Variants in GAMT observed in about 807,000 individuals in gnomAD.
GAMT encodes the protein guanidinoacetate N-methyltransferase.
A neutral mutation model predicts 26.9 loss-of-function variants in GAMT; 26 were observed. That is an observed-to-expected ratio of 0.97 (90% CI 0.71 to 1.34). The LOEUF (loss-of-function observed/expected upper bound fraction) is 1.34, where lower values mean the gene tolerates loss of function less well. Among genes scored for constraint, GAMT ranks in the 40% most tolerant of loss-of-function variants. GAMT has a pLI of 0.00. For synonymous variants in GAMT, 169 were observed against 149.6 expected (o/e 1.13, Z -0.95); for missense variants, 412 against 345.0 (o/e 1.19, Z -1.54).
At chr19:1,397,851 C>A in intron 5 of GAMT, 1 of 1,154,006 alleles carries the variant, frequency 8.7e-7, no homozygotes, top group Non-Finnish European at 1.1e-6. Flanking sequence ...AGAAAAGCTG[C>A]CCCAGGGGCC....
chr19:1,401,331 T>C lies in GAMT; in HGVS notation c.146A>G (p.Tyr49Cys). 1 of 1,531,708 alleles carries C rather than the reference T, an allele frequency of 6.5e-7. No individual in the cohort carries two copies. Among genetic ancestry groups the C allele is most frequent in the Non-Finnish European group, 8.7e-7 (1 of 1,147,430 alleles). 94.9% of individuals were successfully genotyped at this position (1,531,708 alleles called of 1,614,324 possible). A position where few individuals can be genotyped will look rare whatever the true frequency, so the allele number is the denominator to read the frequency against. Residue 49 changes from tyrosine (Y) to cysteine (C), a missense_variant, in exon 1 of 6, where the codon TAT (tyrosine) becomes TGT (cysteine). Tyr to Cys is a radical substitution (Grantham distance 194). Coordinates refer to ENST00000252288, the MANE Select transcript of GAMT (RefSeq NM_000156.6). Reference sequence around the variant, plus strand: ...GGCGGCGGCGGCCAGCGCGTGCATATAGGGGGTCTCCCAGCGCTCCATCAC... The same window carrying C: ...GGCGGCGGCGGCCAGCGCGTGCATACAGGGGGTCTCCCAGCGCTCCATCAC... ...KPVMERWETP[Y>C]MHALAAAASS...
At position 1,397,957 on chromosome 19, in the gene GAMT, G is replaced by C. The variant is rs1477693526; in HGVS notation, c.571-458C>G. 4.7e-6 allele frequency: 5 copies of C among 1,062,346 alleles called. No homozygotes were observed. In the East Asian group the frequency reaches 3.1e-4, roughly 66 times the overall value. 65.8% of individuals were successfully genotyped at this position (1,062,346 alleles called of 1,614,324 possible). A position where few individuals can be genotyped will look rare whatever the true frequency, so the allele number is the denominator to read the frequency against. ...CTCCACCAGGCAGAGGGAACAGCGAGACAAGCACTGCTGAACCAGCAAAGA... is the reference window on the plus strand; with the variant it reads ...CTCCACCAGGCAGAGGGAACAGCGACACAAGCACTGCTGAACCAGCAAAGA... On this transcript the variant is annotated intron_variant, in intron 5 of 5. Coordinates refer to ENST00000252288, the MANE Select transcript of GAMT (RefSeq NM_000156.6).
Position 1,399,274 on chromosome 19 carries a change from G to A in GAMT, c.392-79C>T, listed in dbSNP as rs1309887764. 20 of 1,502,498 alleles carry A rather than the reference G, an allele frequency of 1.3e-5. No homozygotes were observed. The highest frequency in any genetic ancestry group is 9.0e-5 in the East Asian group (4 of 44,312). 93.1% of individuals were successfully genotyped at this position (1,502,498 alleles called of 1,614,324 possible). ...AGCCTCACCCGGCTCATCCCCCAGC[G>A]GGTGGAGGTGCAGTGAGACGGGGCC... On this transcript the variant is annotated intron_variant, in intron 3 of 5. Coordinates refer to ENST00000252288, the MANE Select transcript of GAMT (RefSeq NM_000156.6). The surrounding 1 kb of genome is among the most constrained non-coding windows in gnomAD (Gnocchi z 6.2).
chr19:1,398,412 T>C (rs1374940772), intron 5 of GAMT: 2 of 357,588 alleles, frequency 5.6e-6, no homozygotes, highest in Non-Finnish European at 1.0e-5. Context: ...TTCCATTTTT[T>C]TTTTAAATTT....
rs2082622563 is a variant in GAMT, at chr19:1,399,786, G to A, written c.327+7C>T. 2.6e-6 allele frequency: 4 copies of A among 1,557,950 alleles called. No individual in the cohort carries two copies. Among genetic ancestry groups the A allele is most frequent in the African/African-American group, 1.4e-5 (1 of 73,694 alleles). ...GGGTCCTGGAGGGCCTGCGGGCAGAGGGGCACCTTGTGTGTCTGCCGTGGG... is the reference window on the plus strand; with the variant it reads ...GGGTCCTGGAGGGCCTGCGGGCAGAAGGGCACCTTGTGTGTCTGCCGTGGG... On this transcript the variant is annotated splice_region_variant and intron_variant, in intron 2 of 5. Transcript: ENST00000252288. The surrounding 1 kb of genome is among the most constrained non-coding windows in gnomAD (Gnocchi z 6.2).
At chr19:1,397,960 A>G (rs970032288) in intron 5 of GAMT, 1 of 1,059,132 alleles carries the variant, frequency 9.4e-7, no homozygotes, top group South Asian at 3.1e-5. Flanking sequence ...ACAGCGAGAC[A>G]AGCACTGCTG....
intron 1 of GAMT, 129 bp from the exon 2 acceptor site, chr19:1,400,067 G>T: frequency 1.8e-6 from 2 of 1,125,026 alleles, no homozygotes; most frequent in Admixed American, 4.5e-5. Flanking sequence ...TGGGCTGGGG[G>T]TCTGCCTGGA....
rs1402215487 is a variant in GAMT at position 1,399,081 on chromosome 19, G to A, written c.459+47C>T. On this transcript the variant is annotated intron_variant, in intron 4 of 5. Transcript: ENST00000252288. The surrounding 1 kb of genome is among the most constrained non-coding windows in gnomAD (Gnocchi z 6.2). ...ACGGAGGTGGGGGTGTGGGCAGAGGGGCTTCCCCGAGGGCCTCCCGCATCC... is the reference window on the plus strand; with the variant it reads ...ACGGAGGTGGGGGTGTGGGCAGAGGAGCTTCCCCGAGGGCCTCCCGCATCC... The A allele has an allele frequency of 3.1e-6, 5 of 1,613,336 alleles. No individual in the cohort carries two copies. The highest frequency in any genetic ancestry group is 3.4e-6 in the Non-Finnish European group (4 of 1,179,958).
chr19:1,401,261 GC>G (rs780196985), intron 1 of GAMT, 34 bp downstream of exon 1: 12 of 1,399,090 alleles, frequency 8.6e-6, no homozygotes, highest in East Asian at 2.9e-5. Context: ...TTTCCCCTGC[GC>G]CCCCGGGGGC....
At chr19:1,397,620 C>T (rs1477626454) in intron 5 of GAMT, 121 bp from the exon 6 acceptor site, 30 of 1,478,646 alleles carry the variant, frequency 2.0e-5, no homozygotes, top group Middle Eastern at 1.9e-4. Flanking sequence ...CTGCAGCTCC[C>T]GTGGGCACGT....
At chr19:1,398,624 A>T (rs75842197) in intron 5 of GAMT, 13 of 842,230 alleles carry the variant, frequency 1.5e-5, no homozygotes, top group Non-Finnish European at 2.3e-5. Context: ...TTTTTTTTTT[A>T]GGAAAGATGA....
Position 1,401,410 on chromosome 19 carries a change from CCG to C in GAMT, c.65_66del (p.Ala22GlyfsTer62). On this transcript the variant is annotated frameshift_variant, in exon 1 of 6. Transcript: ENST00000252288. LOFTEE classifies it high-confidence loss of function. ...TCCGCTGCGTCGTAGGCCGCGGGCG[CCG>C]CCCCCCACGCGGGGCTGCAGTTCTC... ...PGENCSPAWG[A>X]APAAYDAADT... The C allele has an allele frequency of 6.9e-7, 1 of 1,452,612 alleles. No homozygotes were observed. Among genetic ancestry groups the C allele is most frequent in the South Asian group, 1.3e-5 (1 of 74,444 alleles). 90.0% of individuals were successfully genotyped at this position (1,452,612 alleles called of 1,614,324 possible).
intron 5 of GAMT, chr19:1,398,123 A>C (rs2082611137): frequency 1.0e-6 from 1 of 988,028 alleles, no homozygotes; most frequent in Admixed American, 5.6e-5. Context: ...GTTGAGATGG[A>C]GTCTCGGTCT....
rs1378451777 is a variant in GAMT, at chr19:1,399,468, G to A, written c.391+56C>T. The stretch of plus-strand genomic sequence containing the variant: ...CAGAGGGACCCCCACAAGCAAAGGA[G>A]GGGCTGCATTGGAGCTGGGGAGGCC... On this transcript the variant is annotated intron_variant, in intron 3 of 5. Coordinates refer to ENST00000252288, the MANE Select transcript of GAMT (RefSeq NM_000156.6). This position sits in a 1 kb window ranked among gnomAD's most constrained non-coding sequence, Gnocchi z 6.2. 3 of 1,493,282 alleles carry A rather than the reference G, an allele frequency of 2.0e-6. No individual in the cohort carries two copies. The African/African-American group carries it at 4.2e-5, about 21-fold the overall frequency. 92.5% of individuals were successfully genotyped at this position (1,493,282 alleles called of 1,614,324 possible). A position where few individuals can be genotyped will look rare whatever the true frequency, so the allele number is the denominator to read the frequency against.
Position 1,399,407 on chromosome 19 carries a change from C to T in GAMT, c.391+117G>A, listed in dbSNP as rs1304992675. 7 of 1,106,614 alleles carry T rather than the reference C, an allele frequency of 6.3e-6. No individual in the cohort carries two copies. The highest frequency in any genetic ancestry group is 8.0e-6 in the Non-Finnish European group (6 of 750,944). 68.5% of individuals were successfully genotyped at this position (1,106,614 alleles called of 1,614,324 possible). On this transcript the variant is annotated intron_variant, in intron 3 of 5. Coordinates refer to ENST00000252288, the MANE Select transcript of GAMT (RefSeq NM_000156.6). This position sits in a 1 kb window ranked among gnomAD's most constrained non-coding sequence, Gnocchi z 6.2. ...GTGCTCCGCCATCCCACAGCCAGGC[C>T]CACACCCACTTGGGCTCTGTCCCCC...
In GAMT at chr19:1,401,306, G is replaced by A. The variant is rs1359387431; in HGVS notation, c.171C>T (p.Ala57=). The A allele has an allele frequency of 2.7e-6, 4 of 1,508,486 alleles. No homozygotes were observed. In the South Asian group the frequency reaches 3.7e-5, roughly 14 times the overall value. 93.4% of individuals were successfully genotyped at this position (1,508,486 alleles called of 1,614,324 possible). ...CCGGGCGGGGGCTACCTTTGGAGGA[G>A]GCGGCGGCGGCCAGCGCGTGCATAT... The part of the protein sequence containing the change: ...TPYMHALAAA[A]SSKGGRVLEV... Residue 57 remains alanine, a synonymous_variant, in exon 1 of 6, where the codon GCC becomes GCT. Coordinates refer to ENST00000252288, the MANE Select transcript of GAMT (RefSeq NM_000156.6).
At position 1,399,158 on chromosome 19, in the gene GAMT, G is replaced by C. The variant is rs779376340; in HGVS notation, c.429C>G (p.Thr143=). ...LYDTYPLSEE[T]WHTHQFNFIK... ...TGAAGTTGAACTGGTGTGTGTGCCA[G>C]GTCTCCTCCGAGAGTGGGTACGTGT... Residue 143 remains threonine, a synonymous_variant, in exon 4 of 6, where the codon ACC becomes ACG. Transcript: ENST00000252288. The surrounding 1 kb of genome is among the most constrained non-coding windows in gnomAD (Gnocchi z 6.2). 1 of 1,613,670 alleles carries C rather than the reference G, an allele frequency of 6.2e-7. No individual in the cohort carries two copies. Among genetic ancestry groups the C allele is most frequent in the South Asian group, 1.1e-5 (1 of 91,090 alleles).
At position 1,399,107 on chromosome 19, in the gene GAMT, C is replaced by T. The variant is rs767461917; in HGVS notation, c.459+21G>A. The T allele has an allele frequency of 5.0e-6, 8 of 1,613,510 alleles. No individual in the cohort carries two copies. The African/African-American group carries it at 6.7e-5, about 13-fold the overall frequency. ...GCTTCCCCGAGGGCCTCCCGCATCC[C>T]AGCAAGTCAGAGAGAACCACCTTGA... On this transcript the variant is annotated intron_variant, in intron 4 of 5. Coordinates refer to ENST00000252288, the MANE Select transcript of GAMT (RefSeq NM_000156.6). The surrounding 1 kb of genome is among the most constrained non-coding windows in gnomAD (Gnocchi z 6.2).
rs891893893 is a variant in GAMT, at chr19:1,399,259, G to A, written c.392-64C>T. 1.0e-4 allele frequency: 163 copies of A among 1,561,116 alleles called. No individual in the cohort carries two copies. Among genetic ancestry groups the A allele is most frequent in the Middle Eastern group, 3.3e-4 (2 of 5,984 alleles). ...CTCAGCGCCTCACCCAGCCTCACCC[G>A]GCTCATCCCCCAGCGGGTGGAGGTG... On this transcript the variant is annotated intron_variant, in intron 3 of 5. Transcript: ENST00000252288. The surrounding 1 kb of genome is among the most constrained non-coding windows in gnomAD (Gnocchi z 6.2).
Sources: gnomAD v4.1 joint callset for allele counts on GRCh38, gnomAD v4.1.1 for gene constraint, Gnocchi (gnomAD v3.1) non-coding constraint, MANE v1.5 for transcripts, NCBI Gene and HGNC (gene_info 2026-07-23, HGNC 2026-07-21) for gene names.